The following P2RY12 variants were observed in gnomAD, a reference collection of about 807,000 sequenced individuals.
The protein encoded by P2RY12 is P2Y purinoceptor 12.
A neutral mutation model predicts 4.5 loss-of-function variants in P2RY12; 3 were observed. The observed-to-expected ratio is 0.67, with a 90% confidence interval of 0.31 to 1.74. P2RY12 has a LOEUF of 1.74. Among genes scored for constraint, P2RY12 ranks in the 40% most tolerant of loss-of-function variants. The probability of loss-of-function intolerance (pLI) is 0.09; values close to 1 mark genes in which losing one functional copy is unlikely to be tolerated. For synonymous variants in P2RY12, 148 were observed against 154.1 expected, an observed-to-expected ratio of 0.96 and a Z score of 0.29; for missense variants, 356 against 407.8, an observed-to-expected ratio of 0.87 and a Z score of 1.09.
In P2RY12 at chr3:151,337,529, GGCAAAACTCT is replaced by G. The variant is rs1286827279; in HGVS notation, c.*278_*287del. On this transcript the variant is annotated 3_prime_UTR_variant, in exon 3 of 3. Transcript: ENST00000302632. The stretch of plus-strand genomic sequence containing the variant: ...TAAATATTATATGATTACTCATTTT[GGCAAAACTCT>G]GCAAAACATGAATTCTGTGTAGTTT... 3.1e-6 allele frequency: 1 copy of G among 322,728 alleles called. No homozygotes were observed. The highest frequency in any genetic ancestry group is 5.7e-6 in the Non-Finnish European group (1 of 175,384). 20.0% of individuals were successfully genotyped at this position (322,728 alleles called of 1,614,324 possible). A position where few individuals can be genotyped will look rare whatever the true frequency, so the allele number is the denominator to read the frequency against.
At chr3:151,368,084 A>G in intron 1 of P2RY12, 1 of 1,266,010 alleles carries the variant, frequency 7.9e-7, no homozygotes, top group Non-Finnish European at 1.1e-6. Flanking sequence ...TTAGCTTAAT[A>G]GGAAACCTGA....
intron 1 of P2RY12, among the ~76,000 whole-genome samples, chr3:151,348,852 A>T (rs2150011322): frequency 6.6e-6 from 1 of 152,318 alleles, no homozygotes; most frequent in South Asian, 2.1e-4. Flanking sequence ...ACACATGTGA[A>T]GTACTCCAGG....
At chr3:151,362,282 C>T (rs1491978) in intron 1 of P2RY12, among the ~76,000 whole-genome samples, 115,773 of 151,918 alleles carry the variant, frequency 0.76, 44,931 homozygotes, top group African/African-American at 0.91. Context: ...CAGTGATTTT[C>T]CACCCACTCA....
In P2RY12 at chr3:151,372,234, A is replaced by G. The variant is rs933043287; in HGVS notation, c.-180+12458T>C. Among the ~76,000 whole-genome samples, 5 of 152,340 alleles carry G rather than the reference A, an allele frequency of 3.3e-5. No individual in the cohort carries two copies. The South Asian group carries it at 1.0e-3, about 32-fold the overall frequency. On this transcript the variant is annotated intron_variant, in intron 1 of 2. Coordinates refer to ENST00000302632, the MANE Select transcript of P2RY12 (RefSeq NM_022788.5). The stretch of plus-strand genomic sequence containing the variant: ...CTTGTCTATAAGTCAAATGAATTTG[A>G]ATACATTCATGCTTGAAATATTGGT...
intron 1 of P2RY12, chr3:151,365,353 T>A (rs1755149336): frequency 4.8e-6 from 3 of 630,778 alleles, no homozygotes. Flanking sequence ...TTAATTTACC[T>A]CTGCACTATC....
chr3:151,344,476 G>A (rs955936606), intron 1 of P2RY12, among the ~76,000 whole-genome samples: 1 of 152,078 alleles, frequency 6.6e-6, no homozygotes, highest in African/African-American at 2.4e-5. Flanking sequence ...AAGAAATAGT[G>A]TTTTAAGGCA....
chr3:151,345,494 C>T (rs891449396), intron 1 of P2RY12, among the ~76,000 whole-genome samples: 18 of 146,358 alleles, frequency 1.2e-4, no homozygotes, highest in Non-Finnish European at 1.9e-4. Flanking sequence ...AAGGCTTCTA[C>T]GTTTTCTTTC....
At chr3:151,355,451 T>C (rs1033035654) in intron 1 of P2RY12, among the ~76,000 whole-genome samples, 1 of 152,312 alleles carries the variant, frequency 6.6e-6, no homozygotes, top group East Asian at 1.9e-4. Context: ...TTTGTCCTTA[T>C]GATAATAATC....
At chr3:151,368,689 T>TGTC (rs1553798117) in intron 1 of P2RY12, among the ~76,000 whole-genome samples, 1 of 42,010 alleles carries the variant, frequency 2.4e-5, no homozygotes, top group Non-Finnish European at 4.4e-5. Context: ...CATTTCATTT[T>TGTC]ATTTCATTTC....
At chr3:151,339,295 T>C (rs1434079293) in intron 2 of P2RY12, among the ~76,000 whole-genome samples, 1 of 152,064 alleles carries the variant, frequency 6.6e-6, no homozygotes, top group Non-Finnish European at 1.5e-5. Flanking sequence ...TGAGCTTCTT[T>C]TACTGTAGTA....
chr3:151,378,183 G>A (rs1711560807), intron 1 of P2RY12: 1 of 1,591,968 alleles, frequency 6.3e-7, no homozygotes, highest in African/African-American at 1.3e-5. Context: ...GGTGTGGCTG[G>A]AAGATGGGCG....
intron 1 of P2RY12, among the ~76,000 whole-genome samples, chr3:151,358,715 G>A (rs6769397): frequency 0.87 from 132,757 of 152,184 alleles, 58,052 homozygotes; most frequent in Middle Eastern, 0.95. Flanking sequence ...ATTAGTAAGG[G>A]TAAGTATTAT....
At chr3:151,366,034 A>G (rs771103184) in intron 1 of P2RY12, 1 of 1,432,364 alleles carries the variant, frequency 7.0e-7, no homozygotes, top group South Asian at 1.7e-5. Context: ...GTGCAATTAA[A>G]TATTTAGTTA....
intron 1 of P2RY12, chr3:151,384,203 A>C (rs1712910627): frequency 6.2e-7 from 1 of 1,605,740 alleles, no homozygotes; most frequent in Non-Finnish European, 8.5e-7. Context: ...ACATGAATTT[A>C]GTAAAGAAAC....
rs181803891 is a variant in P2RY12 at position 151,368,644 on chromosome 3, C to T, written c.-180+16048G>A. Among the ~76,000 whole-genome samples, 314 of 60,878 alleles carry T rather than the reference C, an allele frequency of 5.2e-3. 1 individual carries two copies. Among genetic ancestry groups the T allele is most frequent in the African/African-American group, 0.02 (253 of 12,384 alleles). 39.9% of individuals were successfully genotyped at this position (60,878 alleles called of 152,430 possible). A position where few individuals can be genotyped will look rare whatever the true frequency, so the allele number is the denominator to read the frequency against. Reference sequence around the variant, plus strand: ...TATTTTATTTTATTTCATTTCATTTCATTTCATTTCATTTCATTTCATTTC... The same window carrying T: ...TATTTTATTTTATTTCATTTCATTTTATTTCATTTCATTTCATTTCATTTC... On this transcript the variant is annotated intron_variant, in intron 1 of 2. Transcript: ENST00000302632.
intron 1 of P2RY12, among the ~76,000 whole-genome samples, chr3:151,376,398 T>C (rs1379843608): frequency 6.6e-6 from 1 of 152,206 alleles, no homozygotes; most frequent in East Asian, 1.9e-4. Context: ...GCAAATTGTA[T>C]ATGATCATCA....
intron 1 of P2RY12, among the ~76,000 whole-genome samples, chr3:151,361,315 C>A (rs919688123): frequency 2.6e-5 from 4 of 151,882 alleles, no homozygotes; most frequent in African/African-American, 9.7e-5. Context: ...TGACCAGTAC[C>A]CTCACTGAAT....
intron 1 of P2RY12, among the ~76,000 whole-genome samples, chr3:151,345,517 C>CTTTTTT (rs201731496): frequency 2.7e-4 from 35 of 131,616 alleles, no homozygotes; most frequent in East Asian, 4.2e-4. Context: ...TTTTCTTTTT[C>CTTTTTT]TTTTTTTTTT....
At chr3:151,348,136 C>T (rs935160799) in intron 1 of P2RY12, among the ~76,000 whole-genome samples, 5 of 152,046 alleles carry the variant, frequency 3.3e-5, no homozygotes, top group African/African-American at 1.2e-4. Flanking sequence ...TGTCTTGCCT[C>T]AAATAGATAT....
Sources: gnomAD v4.1 joint callset for allele counts (sites outside exome capture counted in the v4.1 genomes callset) on GRCh38, gnomAD v4.1.1 for gene constraint, MANE v1.5 for transcripts, NCBI Gene and HGNC (gene_info 2026-07-23, HGNC 2026-07-21) for gene names.